The following FAM107B variants were observed in gnomAD, a reference collection of about 807,000 sequenced individuals.
The protein encoded by FAM107B is protein FAM107B.
In FAM107B, 21 loss-of-function variants were observed where a neutral mutation model predicts 31.5. The ratio of observed to expected loss-of-function variants is 0.67; its 90% confidence interval spans 0.47 to 0.96. The LOEUF is 0.96. Among genes scored for constraint, FAM107B ranks in the 40% least tolerant of loss-of-function variants. FAM107B has a pLI of 0.00. For synonymous variants in FAM107B, 157 were observed against 141.5 expected (o/e 1.11, Z -0.78); for missense variants, 452 against 377.1 (o/e 1.20, Z -1.64).
At chr10:14,702,946 C>T (rs557320483) in intron 1 of FAM107B, among the ~76,000 whole-genome samples, 91 of 152,312 alleles carry the variant, frequency 6.0e-4, no homozygotes, top group African/African-American at 2.0e-3. Flanking sequence ...GTCACCGGAC[C>T]TGATCGACCC....
At chr10:14,626,502 T>TC in intron 2 of FAM107B, among the ~76,000 whole-genome samples, 1 of 103,414 alleles carries the variant, frequency 9.7e-6, no homozygotes, top group African/African-American at 3.2e-5. Context: ...GGCGGATCTT[T>TC]TTTTTCTTTT....
chr10:14,708,890 A>G (rs1309785282), intron 1 of FAM107B, among the ~76,000 whole-genome samples: 1 of 128,156 alleles, frequency 7.8e-6, no homozygotes, highest in Admixed American at 7.7e-5. Context: ...AAGATGCTCA[A>G]TATAGATGTC....
At chr10:14,682,993 C>T (rs1027099485) in intron 1 of FAM107B, among the ~76,000 whole-genome samples, 1 of 152,168 alleles carries the variant, frequency 6.6e-6, no homozygotes. Context: ...GCAAAGACTG[C>T]AAAGCATTGT....
intron 2 of FAM107B, among the ~76,000 whole-genome samples, chr10:14,629,483 AC>A: frequency 9.0e-6 from 1 of 110,998 alleles, no homozygotes; most frequent in African/African-American, 3.8e-5. Context: ...TATATATATA[AC>A]ATATATAATA....
chr10:14,728,835 T>C (rs1052656210), intron 1 of FAM107B, among the ~76,000 whole-genome samples: 1 of 152,202 alleles, frequency 6.6e-6, no homozygotes, highest in East Asian at 1.9e-4. Context: ...TTTTTCTCTT[T>C]AATTTTTGAC....
intron 2 of FAM107B, among the ~76,000 whole-genome samples, chr10:14,576,081 G>A (rs943949862): frequency 1.3e-5 from 2 of 152,242 alleles, no homozygotes; most frequent in South Asian, 2.1e-4. Flanking sequence ...CCCAGGGGCT[G>A]GGAGAAGGGA....
At chr10:14,534,135 A>G (rs2130888829) in intron 2 of FAM107B, among the ~76,000 whole-genome samples, 1 of 152,308 alleles carries the variant, frequency 6.6e-6, no homozygotes, top group East Asian at 1.9e-4. Flanking sequence ...GGGGGTGCAC[A>G]GGAGCCTCTC....
At chr10:14,711,832 C>T (rs2768695) in intron 1 of FAM107B, among the ~76,000 whole-genome samples, 2,348 of 152,240 alleles carry the variant, frequency 0.015, 75 homozygotes, top group African/African-American at 0.055. Context: ...TTAGTAGAGA[C>T]AGGGTTTCAC....
intron 2 of FAM107B, among the ~76,000 whole-genome samples, chr10:14,583,810 T>C (rs569064992): frequency 2.6e-5 from 4 of 152,284 alleles, no homozygotes; most frequent in Non-Finnish European, 4.4e-5. Context: ...GAATCTTCTA[T>C]AGGCGAACCC....
At chr10:14,647,816 A>G (rs1297895787) in intron 2 of FAM107B, among the ~76,000 whole-genome samples, 2 of 152,180 alleles carry the variant, frequency 1.3e-5, no homozygotes, top group Non-Finnish European at 2.9e-5. Context: ...TGTACCAATG[A>G]CCAATGCTCT....
At chr10:14,770,881 A>C (rs1242258980) in intron 1 of FAM107B, among the ~76,000 whole-genome samples, 1 of 151,614 alleles carries the variant, frequency 6.6e-6, no homozygotes, top group Non-Finnish European at 1.5e-5. Flanking sequence ...ATTGTTTCCA[A>C]TATAAATGAG....
intron 2 of FAM107B, among the ~76,000 whole-genome samples, chr10:14,535,056 C>G (rs1416669519): frequency 6.6e-6 from 1 of 152,156 alleles, no homozygotes; most frequent in African/African-American, 2.4e-5. Context: ...GTAGAAATGT[C>G]TAGAGGTACA....
intron 2 of FAM107B, among the ~76,000 whole-genome samples, chr10:14,537,507 G>T (rs866858703): frequency 6.6e-6 from 1 of 152,164 alleles, no homozygotes; most frequent in Admixed American, 6.5e-5. Context: ...AATGAAAAAG[G>T]ACTGACAGAT....
At chr10:14,769,072 C>G (rs1207913631) in intron 1 of FAM107B, among the ~76,000 whole-genome samples, 1 of 152,186 alleles carries the variant, frequency 6.6e-6, no homozygotes, top group Non-Finnish European at 1.5e-5. Flanking sequence ...TGCCTTGAGC[C>G]CCTGTGTCCC....
At chr10:14,666,632 C>T (rs1588693782) in intron 2 of FAM107B, among the ~76,000 whole-genome samples, 3 of 152,202 alleles carry the variant, frequency 2.0e-5, no homozygotes, top group Middle Eastern at 6.8e-3. Flanking sequence ...TGGTTGGGAA[C>T]GTTTTCTCTG....
chr10:14,672,798 G>T (rs1300720792), intron 1 of FAM107B, among the ~76,000 whole-genome samples: 1 of 152,114 alleles, frequency 6.6e-6, no homozygotes, highest in African/African-American at 2.4e-5. Flanking sequence ...AATAAAGAAA[G>T]AAGGAAGGAA....
intron 1 of FAM107B, among the ~76,000 whole-genome samples, chr10:14,671,897 AAAAAAACC>A (rs1272984492): frequency 6.6e-6 from 1 of 150,440 alleles, no homozygotes; most frequent in African/African-American, 2.5e-5. Flanking sequence ...AAAAAACAAA[AAAAAAACC>A]CTCTATTTCT....
At chr10:14,715,646 G>C (rs1855762899) in intron 1 of FAM107B, among the ~76,000 whole-genome samples, 1 of 152,196 alleles carries the variant, frequency 6.6e-6, no homozygotes, top group African/African-American at 2.4e-5. Flanking sequence ...TCAATCTATT[G>C]AGGGCGTGAA....
intron 2 of FAM107B, among the ~76,000 whole-genome samples, chr10:14,659,670 G>A (rs4750544): frequency 0.33 from 49,923 of 152,014 alleles, 9,397 homozygotes; most frequent in East Asian, 0.42. Context: ...AGTGGGTTCT[G>A]GTGGAAACTG....
Sources: gnomAD v4.1 joint callset for allele counts (sites outside exome capture counted in the v4.1 genomes callset) on GRCh38, gnomAD v4.1.1 for gene constraint, MANE v1.5 for transcripts, NCBI Gene and HGNC (gene_info 2026-07-23, HGNC 2026-07-21) for gene names.